The following AMBRA1 variants were observed in gnomAD, a reference collection of about 807,000 sequenced individuals.
AMBRA1 encodes the protein autophagy and beclin 1 regulator 1, also known as activating molecule in BECN1-regulated autophagy protein 1.
AMBRA1 carries 47 observed loss-of-function variants against 125.4 expected under a neutral mutation model. That is an observed-to-expected ratio of 0.37 (90% CI 0.30 to 0.48). AMBRA1 has a LOEUF of 0.48. Among genes scored for constraint, AMBRA1 ranks in the 20% least tolerant of loss-of-function variants. The probability of loss-of-function intolerance (pLI) is 0.99; values close to 1 mark genes in which losing one functional copy is unlikely to be tolerated. For synonymous variants in AMBRA1, 626 were observed against 655.5 expected (o/e 0.95, Z 0.69); for missense variants, 1,331 against 1,693.4 (o/e 0.79, Z 3.76).
At chr11:46,567,286 G>T (rs1358900745) in intron 1 of AMBRA1, among the ~76,000 whole-genome samples, 2 of 152,094 alleles carry the variant, frequency 1.3e-5, no homozygotes. Context: ...TGGCCAGACT[G>T]GTCTCGAACT....
Position 46,542,438 on chromosome 11 carries a change from T to A in AMBRA1, c.1579A>T (p.Thr527Ser), listed in dbSNP as rs764730391. The change falls in exon 7 of 18, where the codon ACC (threonine) becomes TCC (serine). Residue 527 changes from threonine (T) to serine (S), a missense_variant. Thr to Ser is a moderately conservative substitution (Grantham distance 58). Around this residue, in one of 4 missense-constraint regions of AMBRA1, gnomAD observed 689 missense variants for 776.5 expected, o/e 0.89. Coordinates refer to ENST00000683756, the MANE Select transcript of AMBRA1 (RefSeq NM_001387011.1). The surrounding 1 kb of genome is among the most constrained non-coding windows in gnomAD (Gnocchi z 5.9). ...DQSLSGEAPQ[T>S]QQAQEMLNNN... ...TTGAGCATTTCCTGGGCCTGTTGGG[T>A]CTGGGGAGCTTCCCCACTCAGGCTC... 2 of 1,613,940 alleles carry A rather than the reference T, an allele frequency of 1.2e-6. No homozygotes were observed. The highest frequency in any genetic ancestry group is 2.2e-5 in the South Asian group (2 of 91,066).
rs141275822 is a variant in AMBRA1, at chr11:46,547,290, G to A, written c.201C>T (p.Leu67=). ...FLLAFSPDRT[L]LASTHVNHNI... is the part of the protein sequence containing the mutation. ...TATGGTTCACATGGGTGGAGGCTAA[G>A]AGAGTCCTAGAAAATCAAAGAGTAG... The change falls in exon 4 of 18, where the codon CTC becomes CTT. Residue 67 remains leucine (L), a synonymous_variant. Transcript: ENST00000683756. The A allele has an allele frequency of 1.2e-3, 1,921 of 1,606,102 alleles. 27 individuals carry two copies. The African/African-American group carries it at 0.023, about 19-fold the overall frequency.
At chr11:46,487,328 C>A (rs577641759) in intron 11 of AMBRA1, among the ~76,000 whole-genome samples, 1 of 151,966 alleles carries the variant, frequency 6.6e-6, no homozygotes, top group Non-Finnish European at 1.5e-5. Flanking sequence ...ACAATAATAA[C>A]AAGTAAATTG....
intron 7 of AMBRA1, among the ~76,000 whole-genome samples, chr11:46,522,566 G>GC (rs910410223): frequency 2.6e-5 from 4 of 152,260 alleles, no homozygotes; most frequent in East Asian, 3.9e-4. Flanking sequence ...ATGCACACAT[G>GC]CCCCCTACAT....
intron 7 of AMBRA1, among the ~76,000 whole-genome samples, chr11:46,537,818 T>C (rs1182599221): frequency 6.6e-6 from 1 of 152,236 alleles, no homozygotes; most frequent in African/African-American, 2.4e-5. Context: ...ATCTCTCCTT[T>C]GCCTATCTTC....
At position 46,593,873 on chromosome 11, in the gene AMBRA1, G is replaced by A. The variant is rs2044694901; in HGVS notation, c.-166C>T. ...CGGTTTGCAGTCCAGCGAACGGGCT[G>A]AGCCACAGGGAAAAAGAAAGAGGAG... is the stretch of plus-strand genomic sequence containing the variant. On this transcript the variant is annotated 5_prime_UTR_variant, in exon 1 of 18. Transcript: ENST00000683756. The A allele has an allele frequency of 5.0e-6, 2 of 397,994 alleles. No homozygotes were observed. The highest frequency in any genetic ancestry group is 7.1e-5 in the East Asian group (2 of 28,062). The allele number at this position is 397,994 out of a possible 1,614,324, so 24.7% of individuals were successfully genotyped here. A position where few individuals can be genotyped will look rare whatever the true frequency, so the allele number is the denominator to read the frequency against.
chr11:46,401,706 C>A (rs1219660861), intron 17 of AMBRA1, among the ~76,000 whole-genome samples: 1 of 152,212 alleles, frequency 6.6e-6, no homozygotes, highest in Non-Finnish European at 1.5e-5. Flanking sequence ...TGGCTCCAGG[C>A]CTGGCCACCC....
chr11:46,469,254 C>G (rs959825731), intron 11 of AMBRA1, among the ~76,000 whole-genome samples: 1 of 152,150 alleles, frequency 6.6e-6, no homozygotes, highest in African/African-American at 2.4e-5. Flanking sequence ...GTGTTTTATG[C>G]TGAACTCTCC....
At chr11:46,556,651 T>A (rs561871361) in intron 1 of AMBRA1, among the ~76,000 whole-genome samples, 47 of 152,308 alleles carry the variant, frequency 3.1e-4, no homozygotes, top group African/African-American at 1.1e-3. Context: ...ATCCTTTTCC[T>A]GGTATATGAT....
intron 7 of AMBRA1, among the ~76,000 whole-genome samples, chr11:46,517,631 G>A (rs1226116635): frequency 8.0e-5 from 12 of 149,244 alleles, no homozygotes; most frequent in African/African-American, 2.7e-4. Context: ...TCAGGAGATC[G>A]AGACCATCCT....
chr11:46,462,734 C>T (rs1292117385), intron 11 of AMBRA1, among the ~76,000 whole-genome samples: 1 of 151,996 alleles, frequency 6.6e-6, no homozygotes, highest in Non-Finnish European at 1.5e-5. Flanking sequence ...CATTCAAGTA[C>T]TTTCTCAAAT....
Position 46,593,808 on chromosome 11 carries a change from C to G in AMBRA1, c.-121+20G>C, listed in dbSNP as rs1186668622. On this transcript the variant is annotated intron_variant, in intron 1 of 17. Coordinates refer to ENST00000683756, the MANE Select transcript of AMBRA1 (RefSeq NM_001387011.1). ...CGGAAGGATGCCGGGCTGGGCCTCC[C>G]AGGCTCCTCCTGGGCCTACCTGCAA... 2 of 395,372 alleles carry G rather than the reference C, an allele frequency of 5.1e-6. No individual in the cohort carries two copies. Among genetic ancestry groups the G allele is most frequent in the Non-Finnish European group, 8.9e-6 (2 of 224,652 alleles). 24.5% of individuals were successfully genotyped at this position (395,372 alleles called of 1,614,324 possible).
chr11:46,522,327 T>C (rs1464773526), intron 7 of AMBRA1, among the ~76,000 whole-genome samples: 1 of 152,254 alleles, frequency 6.6e-6, no homozygotes, highest in Non-Finnish European at 1.5e-5. Context: ...CTTGAATGTA[T>C]AATAAAAACT....
intron 1 of AMBRA1, among the ~76,000 whole-genome samples, chr11:46,552,780 A>G (rs1285098156): frequency 6.6e-6 from 1 of 152,184 alleles, no homozygotes; most frequent in East Asian, 1.9e-4. Flanking sequence ...TGTTTAAAAA[A>G]TATTAGGAGA....
intron 11 of AMBRA1, among the ~76,000 whole-genome samples, chr11:46,478,750 G>A (rs1363358846): frequency 6.7e-6 from 1 of 149,788 alleles, no homozygotes; most frequent in African/African-American, 2.5e-5. Context: ...CACCTCCCGG[G>A]TTCAAGCGAT....
chr11:46,531,686 G>T (rs562418018), intron 7 of AMBRA1, among the ~76,000 whole-genome samples: 1 of 152,088 alleles, frequency 6.6e-6, no homozygotes, highest in East Asian at 1.9e-4. Flanking sequence ...TCCAGCCTGG[G>T]TGACAGAGCG....
intron 17 of AMBRA1, among the ~76,000 whole-genome samples, chr11:46,402,679 T>C (rs1945821678): frequency 6.6e-6 from 1 of 152,242 alleles, no homozygotes; most frequent in African/African-American, 2.4e-5. Flanking sequence ...TGTCTAGTTC[T>C]CTCTGGACTT....
intron 16 of AMBRA1, among the ~76,000 whole-genome samples, chr11:46,409,883 G>A (rs1172107860): frequency 6.6e-6 from 1 of 152,224 alleles, no homozygotes; most frequent in East Asian, 1.9e-4. Flanking sequence ...TGCCTCAAGA[G>A]GATTTGTCCC....
At position 46,542,312 on chromosome 11, in the gene AMBRA1, G is replaced by A. The variant is rs1307206683; in HGVS notation, c.1705C>T (p.Arg569Cys). Residue 569 changes from arginine (R) to cysteine (C), a missense_variant, in exon 7 of 18, where the codon CGT (arginine) becomes TGT (cysteine). By Grantham distance (180) the Arg-to-Cys change is radical. This residue lies in a region of AMBRA1 where 689 missense variants were observed against 776.5 expected (regional missense o/e 0.89). Transcript: ENST00000683756. This position sits in a 1 kb window ranked among gnomAD's most constrained non-coding sequence, Gnocchi z 5.9. ...AAGGTCAGGAGATTGTGGCAAGCAC[G>A]ACAGCGATTCAGGTGGCCACGGGAC... is the stretch of plus-strand genomic sequence containing the variant. ...NLSRGHLNRC[R>C]ACHNLLTFNN... 7.4e-6 allele frequency: 12 copies of A among 1,613,998 alleles called. No homozygotes were observed. Among genetic ancestry groups the A allele is most frequent in the Admixed American group, 3.3e-5 (2 of 60,012 alleles).
Sources: gnomAD v4.1 joint callset for allele counts (sites outside exome capture counted in the v4.1 genomes callset) on GRCh38, gnomAD v4.1.1 for gene constraint, gnomAD v4.1.1 regional missense constraint, Gnocchi (gnomAD v3.1) non-coding constraint, MANE v1.5 for transcripts, NCBI Gene and HGNC (gene_info 2026-07-23, HGNC 2026-07-21) for gene names.